Variants in SAMD12 observed in about 807,000 individuals in gnomAD.
SAMD12 encodes sterile alpha motif domain containing 12.
A neutral mutation model predicts 15.0 loss-of-function variants in SAMD12; 9 were observed. The observed-to-expected ratio is 0.60, with a 90% CI of 0.36 to 1.05. The LOEUF (loss-of-function observed/expected upper bound fraction) is 1.05, where lower values mean the gene tolerates loss of function less well. SAMD12 is among the 50% of genes least tolerant of loss of function. SAMD12 has a pLI of 0.01. For synonymous variants in SAMD12, 86 were observed against 90.1 expected (o/e 0.96, Z 0.25); for missense variants, 230 against 234.2 (o/e 0.98, Z 0.12).
intron 4 of SAMD12, among the ~76,000 whole-genome samples, chr8:118,370,963 A>G (rs1819068376): frequency 6.7e-6 from 1 of 149,964 alleles, no homozygotes; most frequent in Non-Finnish European, 1.5e-5. Flanking sequence ...TTTAAAAAAG[A>G]AATGCAGATG....
At position 118,193,408 on chromosome 8, in the gene SAMD12, A is replaced by T. The variant is rs1376595486; in HGVS notation, c.*4302T>A. On this transcript the variant is annotated 3_prime_UTR_variant, in exon 5 of 5. Transcript: ENST00000409003. The stretch of plus-strand genomic sequence containing the variant: ...GGTGCCAGGAATCATGTGCGTTGAT[A>T]AACCAGAATTCATAGGATAATTTTC... 3 of 152,226 alleles carry T rather than the reference A, an allele frequency of 2.0e-5. No individual in the cohort carries two copies. In the South Asian group the frequency reaches 6.2e-4, roughly 31 times the overall value. 9.4% of individuals were successfully genotyped at this position (152,226 alleles called of 1,614,324 possible).
intron 2 of SAMD12, among the ~76,000 whole-genome samples, chr8:118,440,874 T>G (rs1257956189): frequency 6.6e-6 from 1 of 152,190 alleles, no homozygotes; most frequent in Non-Finnish European, 1.5e-5. Flanking sequence ...GACAGATTAA[T>G]GCTTCACTAT....
intron 4 of SAMD12, among the ~76,000 whole-genome samples, chr8:118,299,150 C>T (rs934863440): frequency 3.9e-5 from 6 of 152,058 alleles, no homozygotes; most frequent in African/African-American, 9.7e-5. Context: ...GTTTGACTAG[C>T]GACTCCTTTA....
At chr8:118,137,147 G>T in the SAMD12 span, among the ~76,000 whole-genome samples, 1 of 152,210 alleles carries the variant, frequency 6.6e-6, no homozygotes, top group Non-Finnish European at 1.5e-5. Context: ...ACACCCCCTA[G>T]TGGTTTCCCA....
At chr8:118,335,245 A>G (rs1817002671) in intron 4 of SAMD12, among the ~76,000 whole-genome samples, 2 of 152,172 alleles carry the variant, frequency 1.3e-5, no homozygotes, top group South Asian at 4.1e-4. Context: ...AATGTGGCTC[A>G]TCCAGGACTG....
intron 2 of SAMD12, among the ~76,000 whole-genome samples, chr8:118,518,283 C>G (rs968146543): frequency 6.6e-6 from 1 of 152,080 alleles, no homozygotes; most frequent in Non-Finnish European, 1.5e-5. Flanking sequence ...GGATGACAGA[C>G]AGATAAGCCA....
intron 4 of SAMD12, among the ~76,000 whole-genome samples, chr8:118,206,562 A>G (rs569839016): frequency 6.6e-6 from 1 of 152,332 alleles, no homozygotes; most frequent in East Asian, 1.9e-4. Context: ...AGTATCCTGC[A>G]TTGCCTTGGG....
intron 4 of SAMD12, among the ~76,000 whole-genome samples, chr8:118,246,837 G>A (rs1812708492): frequency 6.6e-6 from 1 of 152,084 alleles, no homozygotes; most frequent in Non-Finnish European, 1.5e-5. Context: ...CCAGGTAGAG[G>A]GAACAACATG....
At chr8:118,501,924 G>A (rs1824792968) in intron 2 of SAMD12, among the ~76,000 whole-genome samples, 1 of 151,718 alleles carries the variant, frequency 6.6e-6, no homozygotes, top group Admixed American at 6.6e-5. Context: ...GGCTGAGGCA[G>A]GAGAATGGCA....
chr8:118,501,613 G>T (rs7836391), intron 2 of SAMD12, among the ~76,000 whole-genome samples: 58,590 of 152,028 alleles, frequency 0.39, 11,458 homozygotes, highest in Admixed American at 0.44. Context: ...ATATGATGAT[G>T]GGTTAGTCCC....
At chr8:118,297,348 T>C (rs1034835581) in intron 4 of SAMD12, among the ~76,000 whole-genome samples, 3 of 152,138 alleles carry the variant, frequency 2.0e-5, no homozygotes, top group African/African-American at 7.2e-5. Context: ...ATCCTAAGAC[T>C]ATCCAAAAGA....
intron 1 of SAMD12, among the ~76,000 whole-genome samples, chr8:118,601,038 G>A (rs1358776339): frequency 1.3e-5 from 2 of 152,108 alleles, no homozygotes; most frequent in African/African-American, 2.4e-5. Flanking sequence ...CCACTAAAAG[G>A]CAAGCAAAAT....
intron 4 of SAMD12, among the ~76,000 whole-genome samples, chr8:118,337,716 G>T (rs1273698012): frequency 3.3e-5 from 5 of 152,114 alleles, no homozygotes; most frequent in African/African-American, 4.8e-5. Flanking sequence ...TCCTGATATT[G>T]CAGTGTTTCT....
chr8:118,558,350 ATT>A (rs1373184056), intron 2 of SAMD12, among the ~76,000 whole-genome samples: 1 of 152,068 alleles, frequency 6.6e-6, no homozygotes, highest in Non-Finnish European at 1.5e-5. Context: ...ATGATTGTAA[ATT>A]TGTGAATTTT....
intron 2 of SAMD12, among the ~76,000 whole-genome samples, chr8:118,577,119 T>C (rs1190185913): frequency 6.6e-6 from 1 of 152,180 alleles, no homozygotes; most frequent in Non-Finnish European, 1.5e-5. Flanking sequence ...ACTGGATTCA[T>C]TTTTTTATTT....
the SAMD12 span, among the ~76,000 whole-genome samples, chr8:118,169,858 G>A: frequency 6.6e-6 from 1 of 152,098 alleles, no homozygotes; most frequent in African/African-American, 2.4e-5. Context: ...GAGGAAAGCT[G>A]TTTTTTACCC....
At chr8:118,149,781 A>G in the SAMD12 span, among the ~76,000 whole-genome samples, 1 of 151,848 alleles carries the variant, frequency 6.6e-6, no homozygotes, top group African/African-American at 2.4e-5. Flanking sequence ...TATTTTTTTA[A>G]TTTTTTTGCA....
intron 2 of SAMD12, among the ~76,000 whole-genome samples, chr8:118,570,396 T>G (rs1048563427): frequency 6.6e-6 from 1 of 152,156 alleles, no homozygotes; most frequent in African/African-American, 2.4e-5. Flanking sequence ...GTATGTGTTG[T>G]TCCCTTCTAT....
intron 2 of SAMD12, among the ~76,000 whole-genome samples, chr8:118,550,890 T>G (rs1826310367): frequency 6.7e-6 from 1 of 149,684 alleles, no homozygotes; most frequent in Non-Finnish European, 1.5e-5. Context: ...TAGTCTCTGA[T>G]AAAACAGACT....
Sources: allele counts gnomAD v4.1 joint callset (sites outside exome capture counted in the v4.1 genomes callset), GRCh38; gene constraint gnomAD v4.1.1; transcripts MANE v1.5; gene names NCBI Gene and HGNC (gene_info 2026-07-23, HGNC 2026-07-21).